Variants in PTPRC observed in about 807,000 individuals in gnomAD.
PTPRC encodes receptor-type tyrosine-protein phosphatase C.
A neutral mutation model predicts 155.9 loss-of-function variants in PTPRC; 44 were observed. The ratio of observed to expected loss-of-function variants is 0.28; its 90% confidence interval spans 0.22 to 0.36. The LOEUF (loss-of-function observed/expected upper bound fraction) is 0.36. Ranked by LOEUF, PTPRC falls within the 10% of genes least tolerant of loss-of-function variation. The probability of loss-of-function intolerance (pLI) is 1.00; values close to 1 mark genes in which losing one functional copy is unlikely to be tolerated. For missense variants in PTPRC, 1,401 were observed against 1,564.6 expected, an observed-to-expected ratio of 0.90 and a Z score of 1.76; for synonymous variants, 525 against 533.1, an observed-to-expected ratio of 0.98 and a Z score of 0.21.
intron 2 of PTPRC, among the ~76,000 whole-genome samples, 153 bp downstream of exon 2, chr1:198,639,494 A>G (rs1168441003): frequency 6.6e-6 from 1 of 152,110 alleles, no homozygotes; most frequent in Non-Finnish European, 1.5e-5. Context: ...AGACATAGCT[A>G]GTTGTGTGAC....
chr1:198,732,199 A>G, intron 18 of PTPRC, 101 bp from the exon 19 acceptor site: 1 of 924,102 alleles, frequency 1.1e-6, no homozygotes, highest in Non-Finnish European at 1.7e-6. Flanking sequence ...TATGAAGAAA[A>G]TATTTTACAG....
chr1:198,729,209 C>G, intron 17 of PTPRC, 38 bp downstream of exon 17: 1 of 1,575,434 alleles, frequency 6.3e-7, no homozygotes, highest in Non-Finnish European at 8.6e-7. Flanking sequence ...TATTCCTTCC[C>G]CTGCATTTGA....
intron 2 of PTPRC, among the ~76,000 whole-genome samples, chr1:198,664,049 C>G (rs951660827): frequency 1.3e-5 from 2 of 151,816 alleles, no homozygotes; most frequent in Admixed American, 1.3e-4. Context: ...GTTAAAGATG[C>G]TATGGGGGTG....
chr1:198,660,725 A>G (rs1219800247), intron 2 of PTPRC: 1 of 152,188 alleles, frequency 6.6e-6, no homozygotes, highest in African/African-American at 2.4e-5. Context: ...ACATTCCATT[A>G]TGAAATCTAA....
At chr1:198,649,985 C>T (rs2102209223) in intron 2 of PTPRC, among the ~76,000 whole-genome samples, 1 of 151,836 alleles carries the variant, frequency 6.6e-6, no homozygotes, top group South Asian at 2.1e-4. Flanking sequence ...GGGGAAGATC[C>T]TTATGAAGAA....
At chr1:198,665,042 A>G (rs1281113798) in intron 2 of PTPRC, among the ~76,000 whole-genome samples, 1 of 150,010 alleles carries the variant, frequency 6.7e-6, no homozygotes, top group African/African-American at 2.5e-5. Flanking sequence ...TGGAGTCAGT[A>G]CAAGGGGTGG....
chr1:198,666,438 A>G (rs1451156713), intron 2 of PTPRC, among the ~76,000 whole-genome samples: 4 of 152,134 alleles, frequency 2.6e-5, no homozygotes, highest in African/African-American at 9.7e-5. Flanking sequence ...GCTTTGGTAT[A>G]TGTAATACCC....
At chr1:198,681,023 G>A (rs1389915407) in intron 2 of PTPRC, among the ~76,000 whole-genome samples, 1 of 152,044 alleles carries the variant, frequency 6.6e-6, no homozygotes, top group East Asian at 1.9e-4. Context: ...GATATTATGA[G>A]GATTGTATAA....
intron 2 of PTPRC, among the ~76,000 whole-genome samples, chr1:198,646,237 G>A (rs2102193755): frequency 6.6e-6 from 1 of 151,800 alleles, no homozygotes; most frequent in East Asian, 1.9e-4. Context: ...CTAATGTTTA[G>A]CAGCATCACT....
At chr1:198,733,702 A>G (rs906334457) in intron 20 of PTPRC, among the ~76,000 whole-genome samples, 1 of 151,832 alleles carries the variant, frequency 6.6e-6, no homozygotes, top group African/African-American at 2.4e-5. Flanking sequence ...CTTATCTGAA[A>G]TGGCAAAGAA....
At position 198,756,442 on chromosome 1, in the gene PTPRC, G is replaced by C; in HGVS notation, c.*261G>C. On this transcript the variant is annotated 3_prime_UTR_variant, in exon 33 of 33. Transcript: ENST00000442510. ...CTTTGTAATCGTTATGTGTGTATAT[G>C]TATGTGTGTATGGGTGTGTGTTTGT... is the stretch of plus-strand genomic sequence containing the variant. 2.1e-6 allele frequency: 1 copy of C among 472,234 alleles called. No homozygotes were observed. Among genetic ancestry groups the C allele is most frequent in the South Asian group, 2.2e-5 (1 of 45,582 alleles). 29.3% of individuals were successfully genotyped at this position (472,234 alleles called of 1,614,324 possible). A position where few individuals can be genotyped will look rare whatever the true frequency, so the allele number is the denominator to read the frequency against.
At chr1:198,692,673 T>C in intron 3 of PTPRC, 1 of 945,388 alleles carries the variant, frequency 1.1e-6, no homozygotes. Flanking sequence ...TTTAAGACTA[T>C]AAAAAAATGC....
intron 23 of PTPRC, among the ~76,000 whole-genome samples, chr1:198,736,744 GT>G (rs1350294012): frequency 1.3e-5 from 2 of 151,564 alleles, no homozygotes; most frequent in African/African-American, 2.4e-5. Context: ...GCTATTTTTA[GT>G]TTTTTTGAGA....
chr1:198,712,781 A>C (rs1466239569), intron 11 of PTPRC, 172 bp from the exon 12 acceptor site: 3 of 716,000 alleles, frequency 4.2e-6, no homozygotes, highest in Non-Finnish European at 6.9e-6. Flanking sequence ...TACTTTGTTA[A>C]AGGAATTTAC....
At chr1:198,734,566 A>G in intron 22 of PTPRC, 141 bp downstream of exon 22, 1 of 794,154 alleles carries the variant, frequency 1.3e-6, no homozygotes, top group Non-Finnish European at 2.1e-6. Context: ...CATTTAATTT[A>G]AAATTTTCAT....
chr1:198,654,002 C>T lies in PTPRC; in HGVS notation c.73+14661C>T, dbSNP rs144979511. Among the ~76,000 whole-genome samples the T allele has an allele frequency of 1.2e-3, 180 of 151,862 alleles. 2 individuals carry two copies. In the East Asian group the frequency reaches 0.029, roughly 25 times the overall value. ...TTGATGGCAAGAAAACATTTCCTTC[C>T]GCTGGCTTTTCTAATAACTCCCTCT... On this transcript the variant is annotated intron_variant, in intron 2 of 32. Transcript: ENST00000442510.
intron 2 of PTPRC, among the ~76,000 whole-genome samples, chr1:198,678,161 A>G (rs1665070620): frequency 6.6e-6 from 1 of 152,220 alleles, no homozygotes; most frequent in African/African-American, 2.4e-5. Context: ...GCAAGAGTAA[A>G]TCCAAAAATG....
intron 12 of PTPRC, among the ~76,000 whole-genome samples, 194 bp from the exon 13 acceptor site, chr1:198,716,488 A>T (rs1427953502): frequency 6.6e-6 from 1 of 152,202 alleles, no homozygotes; most frequent in African/African-American, 2.4e-5. Context: ...AATTTTACCA[A>T]TGATAATTGA....
chr1:198,733,594 CCAGTATAA>C (rs1164052092), intron 20 of PTPRC, among the ~76,000 whole-genome samples: 1 of 151,658 alleles, frequency 6.6e-6, no homozygotes, highest in Non-Finnish European at 1.5e-5. Context: ...CTGGAAGAAG[CCAGTATAA>C]TATTTTATCT....
Sources: gnomAD v4.1 joint callset for allele counts (sites outside exome capture counted in the v4.1 genomes callset) on GRCh38, gnomAD v4.1.1 for gene constraint, MANE v1.5 for transcripts, NCBI Gene and HGNC (gene_info 2026-07-23, HGNC 2026-07-21) for gene names.